Variants in DYNC1H1 observed in about 807,000 individuals in gnomAD.
DYNC1H1 encodes the protein cytoplasmic dynein 1 heavy chain 1.
A neutral mutation model predicts 527.1 loss-of-function variants in DYNC1H1; 51 were observed. The observed-to-expected ratio is 0.10, with a 90% CI of 0.08 to 0.12. The LOEUF (loss-of-function observed/expected upper bound fraction) is 0.12. Among genes scored for constraint, DYNC1H1 ranks in the 10% least tolerant of loss-of-function variants. The pLI is 1.00. For missense variants in DYNC1H1, 2,771 were observed against 5,971.8 expected (o/e 0.46, Z 17.66); for synonymous variants, 2,189 against 2,278.8 (o/e 0.96, Z 1.12).
Position 101,985,594 on chromosome 14 carries a change from G to A in DYNC1H1, c.1462-93G>A. On this transcript the variant is annotated intron_variant, in intron 7 of 77. Transcript: ENST00000360184. This position sits in a 1 kb window ranked among gnomAD's most constrained non-coding sequence, Gnocchi z 5.9. ...CTGCCTTGGCCTCCCAAAGTGCTGG[G>A]ATTACAGGTGTGAGCCACTGCACCC... The A allele has an allele frequency of 2.1e-6, 3 of 1,422,740 alleles. No individual in the cohort carries two copies. Among genetic ancestry groups the A allele is most frequent in the Non-Finnish European group, 3.0e-6 (3 of 1,013,982 alleles). 88.1% of individuals were successfully genotyped at this position (1,422,740 alleles called of 1,614,324 possible).
chr14:102,009,762 GTTGT>G (rs2048237566), intron 29 of DYNC1H1, 77 bp from the exon 30 acceptor site: 1 of 1,606,604 alleles, frequency 6.2e-7, no homozygotes, highest in South Asian at 1.1e-5. Flanking sequence ...AGCTTTGTCT[GTTGT>G]TTTAGAGACA....
intron 72 of DYNC1H1, among the ~76,000 whole-genome samples, chr14:102,046,229 G>C (rs2048716723): frequency 6.6e-6 from 1 of 151,098 alleles, no homozygotes; most frequent in Admixed American, 6.6e-5. Flanking sequence ...TATCAGGACA[G>C]GGGATGGGCC....
intron 23 of DYNC1H1, among the ~76,000 whole-genome samples, chr14:102,003,628 C>G (rs2048156993): frequency 6.6e-6 from 1 of 152,156 alleles, no homozygotes; most frequent in Non-Finnish European, 1.5e-5. Context: ...TGGACAGATT[C>G]TTTTAAAAAT....
chr14:102,023,119 G>T (rs2048406042), intron 43 of DYNC1H1: 2 of 548,372 alleles, frequency 3.6e-6, no homozygotes, highest in Admixed American at 5.3e-5. Flanking sequence ...TGAAAATTTA[G>T]CCAGGCAAGG....
At position 102,050,153 on chromosome 14, in the gene DYNC1H1, G is replaced by A. The variant is rs2048787623; in HGVS notation, c.13767G>A (p.Gln4589=). ...TCTCAACCGCCCTTCCCCTGACGCA[G>A]CTGCGCTGGGTCAAGCAGACAAACA... is the stretch of plus-strand genomic sequence containing the variant. The part of the protein sequence containing the change: ...NAISTALPLT[Q]LRWVKQTNTE... The change falls in exon 77 of 78, where the codon CAG becomes CAA. Residue 4589 remains glutamine, a synonymous_variant. Coordinates refer to ENST00000360184, the MANE Select transcript of DYNC1H1 (RefSeq NM_001376.5). The A allele has an allele frequency of 6.2e-7, 1 of 1,613,554 alleles. No individual in the cohort carries two copies. Among genetic ancestry groups the A allele is most frequent in the African/African-American group, 1.3e-5 (1 of 74,890 alleles).
Position 102,048,437 on chromosome 14 carries a change from C to G in DYNC1H1, c.13219-79C>G, listed in dbSNP as rs1048522490. The G allele has an allele frequency of 2.5e-6, 4 of 1,593,894 alleles. No individual in the cohort carries two copies. The African/African-American group carries it at 5.4e-5, about 21-fold the overall frequency. ...GAAGCTCTGGGGCTCTCCCCGGAGG[C>G]CGAGTTACTTCTGTTTGACCTTTAC... On this transcript the variant is annotated intron_variant, in intron 73 of 77. Transcript: ENST00000360184.
In DYNC1H1 at chr14:102,018,562, G is replaced by A. The variant is rs2048351261; in HGVS notation, c.8289G>A (p.Arg2763=). The part of the protein sequence containing the change: ...RAMLRLIPSL[R]TYAEPLTAAM... ...TGCTGAGGCTCATTCCATCCCTGCG[G>A]ACGTATGCAGAGCCGCTCACTGCTG... The change falls in exon 41 of 78, where the codon CGG becomes CGA. Residue 2763 remains arginine, a synonymous_variant. Coordinates refer to ENST00000360184, the MANE Select transcript of DYNC1H1 (RefSeq NM_001376.5). The surrounding 1 kb of genome is among the most constrained non-coding windows in gnomAD (Gnocchi z 5.2). 6.2e-7 allele frequency: 1 copy of A among 1,613,962 alleles called. No individual in the cohort carries two copies. Among genetic ancestry groups the A allele is most frequent in the Non-Finnish European group, 8.5e-7 (1 of 1,180,048 alleles).
At chr14:102,009,711 C>T (rs2048236993) in intron 29 of DYNC1H1, 132 bp from the exon 30 acceptor site, 1 of 1,417,464 alleles carries the variant, frequency 7.1e-7, no homozygotes, top group Admixed American at 2.0e-5. Context: ...CAAAGAGCAG[C>T]CCCCGAGGAA....
At chr14:101,998,525 G>T (rs1276500576) in intron 16 of DYNC1H1, among the ~76,000 whole-genome samples, 1 of 152,226 alleles carries the variant, frequency 6.6e-6, no homozygotes, top group Non-Finnish European at 1.5e-5. Flanking sequence ...AAATGGAAAA[G>T]ATGTGAACAT....
chr14:102,047,641 G>GTGTGTGTGTGTGTGTGTATATA, intron 72 of DYNC1H1, 176 bp from the exon 73 acceptor site: 1 of 228,540 alleles, frequency 4.4e-6, no homozygotes, highest in African/African-American at 4.1e-5. Flanking sequence ...GTGTGTGTGT[G>GTGTGTGTGTGTGTGTGTATATA]TATATATATA....
At chr14:102,007,361 GT>G (rs1199970699) in intron 28 of DYNC1H1, among the ~76,000 whole-genome samples, 1 of 152,138 alleles carries the variant, frequency 6.6e-6, no homozygotes, top group Non-Finnish European at 1.5e-5. Context: ...TAAAATGTCA[GT>G]TTTTTGACGA....
Position 101,975,708 on chromosome 14 carries a change from G to C in DYNC1H1, c.257-4G>C. ...TAATTTGATATATTTATTATGATTT[G>C]TAGAGGACGTCGGTGATGAAGGAGA... On this transcript the variant is annotated splice_polypyrimidine_tract_variant and splice_region_variant and intron_variant, in intron 1 of 77. Transcript: ENST00000360184. 1 of 1,610,336 alleles carries C rather than the reference G, an allele frequency of 6.2e-7. No individual in the cohort carries two copies. Among genetic ancestry groups the C allele is most frequent in the Non-Finnish European group, 8.5e-7 (1 of 1,176,792 alleles).
chr14:101,984,448 A>ATTTTTTTTTTTTTTTTTTTTTTTTTT (rs1224932045), intron 7 of DYNC1H1, among the ~76,000 whole-genome samples: 1 of 89,132 alleles, frequency 1.1e-5, no homozygotes, highest in Non-Finnish European at 2.1e-5. Flanking sequence ...TATATATATT[A>ATTTTTTTTTTTTTTTTTTTTTTTTTT]TATTTTTTTT....
intron 1 of DYNC1H1, among the ~76,000 whole-genome samples, chr14:101,974,861 T>C (rs2047781922): frequency 6.6e-6 from 1 of 152,222 alleles, no homozygotes; most frequent in African/African-American, 2.4e-5. Context: ...GACTACTGTG[T>C]GCATGTTGTA....
Position 102,009,991 on chromosome 14 carries a change from C to G in DYNC1H1, c.6126C>G (p.Thr2042=), listed in dbSNP as rs773901374. 6.2e-7 allele frequency: 1 copy of G among 1,613,998 alleles called. No homozygotes were observed. The highest frequency in any genetic ancestry group is 1.3e-5 in the African/African-American group (1 of 74,918). Residue 2042 remains threonine (T), a synonymous_variant, in exon 30 of 78, where the codon ACC becomes ACG. Coordinates refer to ENST00000360184, the MANE Select transcript of DYNC1H1 (RefSeq NM_001376.5). ...LKKLFRSLAM[T]KPDRQLIAQV... ...AGCTGTTCCGGAGCTTGGCCATGAC[C>G]AAGCCCGACCGGCAGTTAATCGCCC...
Position 102,015,797 on chromosome 14 carries a change from T to C in DYNC1H1, c.7243-59T>C, listed in dbSNP as rs1246040450. 6.3e-7 allele frequency: 1 copy of C among 1,577,920 alleles called. No homozygotes were observed. The highest frequency in any genetic ancestry group is 8.7e-7 in the Non-Finnish European group (1 of 1,154,520). ...ACCTTCTCCTGGGACCAGGTTAGAA[T>C]CGATGAAACTCGCCTGCCTTTTGAA... is the stretch of plus-strand genomic sequence containing the variant. On this transcript the variant is annotated intron_variant, in intron 35 of 77. Transcript: ENST00000360184. This position sits in a 1 kb window ranked among gnomAD's most constrained non-coding sequence, Gnocchi z 6.9.
In DYNC1H1 at chr14:102,009,904, C is replaced by A; in HGVS notation, c.6039C>A (p.Ala2013=). Residue 2013 remains alanine (A), a synonymous_variant, in exon 30 of 78, where the codon GCC becomes GCA. Transcript: ENST00000360184. ...AAGTCAAGGTGAGCCCGGACATGGC[C>A]ATCTTCATCACCATGAACCCTGGCT... ...NKQVKVSPDM[A]IFITMNPGYA... is the part of the protein sequence containing the mutation. 5.6e-6 allele frequency: 9 copies of A among 1,614,084 alleles called. No homozygotes were observed. The highest frequency in any genetic ancestry group is 7.6e-6 in the Non-Finnish European group (9 of 1,180,016).
rs1296504729 is a variant in DYNC1H1, at chr14:102,018,664, T to C, written c.8343+48T>C. ...TCCAGAAATTGTTTTCCTCTCATAA[T>C]TAAGGCACTCGATTGGTCAGGTGTG... On this transcript the variant is annotated intron_variant, in intron 41 of 77. Coordinates refer to ENST00000360184, the MANE Select transcript of DYNC1H1 (RefSeq NM_001376.5). This position sits in a 1 kb window ranked among gnomAD's most constrained non-coding sequence, Gnocchi z 5.2. 2 of 1,604,690 alleles carry C rather than the reference T, an allele frequency of 1.2e-6. No individual in the cohort carries two copies. Among genetic ancestry groups the C allele is most frequent in the South Asian group, 2.2e-5 (2 of 90,286 alleles).
chr14:102,006,726 A>C (rs1459138714), intron 27 of DYNC1H1, among the ~76,000 whole-genome samples: 4 of 151,770 alleles, frequency 2.6e-5, no homozygotes, highest in African/African-American at 9.7e-5. Context: ...CAGTCTCCCA[A>C]GTAGCTGGGA....
Sources: gnomAD v4.1 joint callset for allele counts (sites outside exome capture counted in the v4.1 genomes callset) on GRCh38, gnomAD v4.1.1 for gene constraint, Gnocchi (gnomAD v3.1) non-coding constraint, MANE v1.5 for transcripts, NCBI Gene and HGNC (gene_info 2026-07-23, HGNC 2026-07-21) for gene names.